TRDN: variants seen among roughly 807,000 people sequenced by gnomAD.
The protein encoded by TRDN is triadin.
A neutral mutation model predicts 149.7 loss-of-function variants in TRDN; 161 were observed. The observed-to-expected ratio is 1.08, with a 90% CI of 0.95 to 1.23. TRDN has a LOEUF of 1.23. Among genes scored for constraint, TRDN ranks in the 50% most tolerant of loss-of-function variants. The pLI, the probability that TRDN is intolerant of heterozygous loss-of-function variation, is 0.00. For missense variants in TRDN, 896 were observed against 823.5 expected, an observed-to-expected ratio of 1.09 and a Z score of -1.08; for synonymous variants, 294 against 250.5, an observed-to-expected ratio of 1.17 and a Z score of -1.64.
intron 13 of TRDN, among the ~76,000 whole-genome samples, chr6:123,392,688 T>C (rs560759932): frequency 6.6e-6 from 1 of 152,068 alleles, no homozygotes; most frequent in Non-Finnish European, 1.5e-5. Context: ...TTCTAGCTTA[T>C]TTTGCTCACA....
intron 1 of TRDN, 56 bp downstream of exon 1, chr6:123,636,698 G>A: frequency 3.1e-6 from 5 of 1,596,868 alleles, no homozygotes; most frequent in Non-Finnish European, 4.3e-6. Flanking sequence ...TAATGTGGCT[G>A]TCGATTTGCA....
intron 29 of TRDN, among the ~76,000 whole-genome samples, chr6:123,272,105 GT>G (rs889881749): frequency 4.0e-5 from 6 of 151,898 alleles, no homozygotes; most frequent in Non-Finnish European, 5.9e-5. Flanking sequence ...GTGTATCACA[GT>G]TTTTTTAAAA....
At position 123,251,078 on chromosome 6, in the gene TRDN, T is replaced by G. The variant is rs1254922414; in HGVS notation, c.1975+1334A>C. ...TACCTTTGGCTGTAGGGGAATGGTGTGGAATAGGGCAGCTTCCAAGGGCCT... is the reference window on the plus strand; with the variant it reads ...TACCTTTGGCTGTAGGGGAATGGTGGGGAATAGGGCAGCTTCCAAGGGCCT... On this transcript the variant is annotated intron_variant, in intron 38 of 40. Transcript: ENST00000334268. Among the ~76,000 whole-genome samples the G allele has an allele frequency of 2.0e-5, 3 of 152,268 alleles. No homozygotes were observed. In the South Asian group the frequency reaches 6.2e-4, roughly 32 times the overall value.
chr6:123,409,613 C>G (rs374714814), intron 12 of TRDN, among the ~76,000 whole-genome samples: 1 of 151,996 alleles, frequency 6.6e-6, no homozygotes, highest in African/African-American at 2.4e-5. Context: ...ATTAATTCTC[C>G]TTAATTTTGA....
chr6:123,427,262 C>A (rs1774161651), intron 12 of TRDN, among the ~76,000 whole-genome samples: 1 of 150,588 alleles, frequency 6.6e-6, no homozygotes, highest in Admixed American at 6.6e-5. Context: ...CTGGAATAAA[C>A]TCTTGACCAC....
intron 37 of TRDN, among the ~76,000 whole-genome samples, chr6:123,254,279 T>C (rs898087875): frequency 3.9e-5 from 6 of 152,074 alleles, no homozygotes; most frequent in African/African-American, 1.4e-4. Context: ...CTCTTAATAT[T>C]AGTGATAATT....
At chr6:123,405,213 CA>C (rs1326303918) in intron 12 of TRDN, among the ~76,000 whole-genome samples, 4 of 152,176 alleles carry the variant, frequency 2.6e-5, no homozygotes, top group Non-Finnish European at 5.9e-5. Flanking sequence ...AGTCAATATT[CA>C]AATGCTGGAG....
chr6:123,282,661 A>G (rs1227290755), intron 24 of TRDN, among the ~76,000 whole-genome samples: 2 of 151,860 alleles, frequency 1.3e-5, no homozygotes, highest in East Asian at 1.9e-4. Context: ...ACAAGTAACA[A>G]ACTGAACTTT....
chr6:123,350,673 T>C (rs1780429163), intron 21 of TRDN: 3 of 801,026 alleles, frequency 3.7e-6, no homozygotes, highest in Non-Finnish European at 4.5e-6. Context: ...TATACTATCA[T>C]AAAAATATGC....
chr6:123,501,811 A>G (rs975807729), intron 8 of TRDN: 1 of 864,502 alleles, frequency 1.2e-6, no homozygotes, highest in Non-Finnish European at 1.4e-6. Context: ...AAATAAAAAT[A>G]GTAGACTGAA....
At chr6:123,298,960 C>T (rs1007734294) in intron 24 of TRDN, among the ~76,000 whole-genome samples, 9 of 152,026 alleles carry the variant, frequency 5.9e-5, no homozygotes, top group South Asian at 2.1e-4. Flanking sequence ...ACCTAACAAA[C>T]GGAGAAAATT....
intron 26 of TRDN, among the ~76,000 whole-genome samples, chr6:123,276,708 C>G (rs181294525): frequency 6.6e-6 from 1 of 152,164 alleles, no homozygotes; most frequent in African/African-American, 2.4e-5. Flanking sequence ...TGTGGAGGAC[C>G]CTCTTATCTA....
chr6:123,297,258 C>T (rs1778237040), intron 24 of TRDN, among the ~76,000 whole-genome samples: 1 of 151,996 alleles, frequency 6.6e-6, no homozygotes. Flanking sequence ...CACTTTTCAT[C>T]TCAGACAGTT....
intron 12 of TRDN, among the ~76,000 whole-genome samples, chr6:123,408,506 T>C (rs995400304): frequency 4.0e-5 from 6 of 151,856 alleles, no homozygotes; most frequent in Non-Finnish European, 8.8e-5. Context: ...GGAGAAACCC[T>C]GTCTCTACTA....
At chr6:123,389,574 T>C (rs1782030925) in intron 13 of TRDN, 1 of 152,134 alleles carries the variant, frequency 6.6e-6, no homozygotes, top group South Asian at 2.1e-4. Flanking sequence ...TTGCAGAGTA[T>C]AAGCAGCAGA....
At chr6:123,372,562 G>A (rs1047738649) in intron 19 of TRDN, among the ~76,000 whole-genome samples, 2 of 152,040 alleles carry the variant, frequency 1.3e-5, no homozygotes, top group African/African-American at 2.4e-5. Context: ...TGGAATACAT[G>A]ATCCCAGCCC....
chr6:123,463,739 T>G (rs6569347), intron 10 of TRDN, among the ~76,000 whole-genome samples: 25,594 of 151,796 alleles, frequency 0.17, 2,330 homozygotes, highest in South Asian at 0.29. Flanking sequence ...AATGCCAAAA[T>G]AAATGTAATT....
In TRDN at chr6:123,593,222, G is replaced by C. The variant is rs994187289; in HGVS notation, c.23-22090C>G. Among the ~76,000 whole-genome samples the C allele has an allele frequency of 1.2e-3, 187 of 152,308 alleles. 1 individual carries two copies. Among genetic ancestry groups the C allele is most frequent in the African/African-American group, 4.3e-3 (177 of 41,570 alleles). On this transcript the variant is annotated intron_variant, in intron 1 of 40. Transcript: ENST00000334268. ...AGGTTTATATAACATCTCTGCACCAGTGAAACTGAAAATCATCACACAAGC... is the reference window on the plus strand; with the variant it reads ...AGGTTTATATAACATCTCTGCACCACTGAAACTGAAAATCATCACACAAGC...
intron 10 of TRDN, among the ~76,000 whole-genome samples, chr6:123,461,826 A>T (rs2114696014): frequency 6.6e-6 from 1 of 152,330 alleles, no homozygotes; most frequent in African/African-American, 2.4e-5. Flanking sequence ...TAATGTTAAT[A>T]TTATAAGATA....
Sources: gnomAD v4.1 joint callset for allele counts (sites outside exome capture counted in the v4.1 genomes callset) on GRCh38, gnomAD v4.1.1 for gene constraint, MANE v1.5 for transcripts, NCBI Gene and HGNC (gene_info 2026-07-23, HGNC 2026-07-21) for gene names.